The following MYO3B variants were observed in gnomAD, a reference collection of about 807,000 sequenced individuals.
The protein encoded by MYO3B is myosin IIIB.
Under a neutral mutation model 174.6 loss-of-function variants are expected in MYO3B, and 156 were observed. That is an observed-to-expected ratio of 0.89 (90% CI 0.78 to 1.02). MYO3B has a LOEUF of 1.02. Among genes scored for constraint, MYO3B ranks in the 50% least tolerant of loss-of-function variants. The pLI, the probability that MYO3B is intolerant of heterozygous loss-of-function variation, is 0.00. For missense variants in MYO3B, 1,632 were observed against 1,639.4 expected (o/e 1.00, Z 0.08); for synonymous variants, 563 against 569.1 (o/e 0.99, Z 0.15).
chr2:170,261,118 G>T (rs184433854), intron 7 of MYO3B, among the ~76,000 whole-genome samples: 174 of 152,264 alleles, frequency 1.1e-3, no homozygotes, highest in Non-Finnish European at 1.7e-3. Context: ...CCGCCTTCCG[G>T]GTTCAAGCAA....
At chr2:170,565,099 A>G (rs1291655801) in intron 32 of MYO3B, among the ~76,000 whole-genome samples, 1 of 152,214 alleles carries the variant, frequency 6.6e-6, no homozygotes, top group Non-Finnish European at 1.5e-5. Flanking sequence ...CTCCATGCAA[A>G]AATGTTCAAC....
At chr2:170,651,774 G>C in intron 33 of MYO3B, 40 bp downstream of exon 33, 1 of 1,535,260 alleles carries the variant, frequency 6.5e-7, no homozygotes, top group Non-Finnish European at 9.0e-7. Context: ...CACTGGCTTT[G>C]TTTCCAGTTA....
chr2:170,253,889 G>A (rs1410488595), intron 7 of MYO3B, among the ~76,000 whole-genome samples: 2 of 151,266 alleles, frequency 1.3e-5, no homozygotes, highest in African/African-American at 4.9e-5. Flanking sequence ...TTCTGGGGAC[G>A]GGGGGCGGGG....
At chr2:170,562,385 T>C (rs1422744772) in intron 32 of MYO3B, among the ~76,000 whole-genome samples, 1 of 152,210 alleles carries the variant, frequency 6.6e-6, no homozygotes, top group Non-Finnish European at 1.5e-5. Flanking sequence ...TTTTGGAGTT[T>C]TTACATTGTC....
intron 32 of MYO3B, among the ~76,000 whole-genome samples, chr2:170,618,795 T>A (rs1695631824): frequency 6.6e-6 from 1 of 152,064 alleles, no homozygotes; most frequent in Non-Finnish European, 1.5e-5. Context: ...GATGAAGTAA[T>A]TAACATAACA....
chr2:170,220,880 A>G (rs1210258996), intron 6 of MYO3B, among the ~76,000 whole-genome samples: 3 of 152,154 alleles, frequency 2.0e-5, no homozygotes, highest in Non-Finnish European at 4.4e-5. Context: ...TGTGTCCAGT[A>G]TGCTCTGGGA....
chr2:170,513,576 C>G (rs547090190), intron 28 of MYO3B, among the ~76,000 whole-genome samples: 1 of 152,318 alleles, frequency 6.6e-6, no homozygotes, highest in African/African-American at 2.4e-5. Context: ...AACCCTGTTT[C>G]CAACTAAAGT....
intron 25 of MYO3B, among the ~76,000 whole-genome samples, chr2:170,485,418 C>G (rs35068149): frequency 0.043 from 5,667 of 130,284 alleles, 209 homozygotes; most frequent in African/African-American, 0.11. Context: ...CACACACACA[C>G]ACAGAGAGAG....
At chr2:170,223,657 C>CA (rs1415477149) in intron 6 of MYO3B, among the ~76,000 whole-genome samples, 21 of 152,112 alleles carry the variant, frequency 1.4e-4, no homozygotes, top group Non-Finnish European at 5.9e-5. Flanking sequence ...TGGCCTATAG[C>CA]AAAAGGGATA....
chr2:170,401,800 TTC>T lies in MYO3B; in HGVS notation c.2129+111_2129+112del. On this transcript the variant is annotated intron_variant, in intron 18 of 34. Coordinates refer to ENST00000408978, the MANE Select transcript of MYO3B (RefSeq NM_138995.5). ...GTCCTCTCTGGGATTTTCTTTCTTT[TTC>T]TTTTTTTTTTTTTTTGTGGAGTCAG... 1.8e-5 allele frequency: 18 copies of T among 1,016,186 alleles called. No individual in the cohort carries two copies. The African/African-American group carries it at 2.9e-4, about 16-fold the overall frequency. The allele number at this position is 1,016,186 out of a possible 1,614,324, so 62.9% of individuals were successfully genotyped here. A position where few individuals can be genotyped will look rare whatever the true frequency, so the allele number is the denominator to read the frequency against.
intron 30 of MYO3B, among the ~76,000 whole-genome samples, chr2:170,534,403 T>G (rs1471115366): frequency 3.9e-5 from 6 of 152,202 alleles, no homozygotes; most frequent in African/African-American, 1.4e-4. Context: ...GAGATATGTT[T>G]GTTGTTAGTC....
Position 170,369,316 on chromosome 2 carries a change from CA to C in MYO3B, c.915del (p.Lys305AsnfsTer47). ...KGVHGKVLFL[Q>X]KQLAKVLQDQ... Reference sequence around the variant, plus strand: ...AGTACATGGAAAAGTTCTGTTTCTGCAAAAACAGCTGGCCAAGGTTCTCCAA... The same window carrying C: ...AGTACATGGAAAAGTTCTGTTTCTGCAAAACAGCTGGCCAAGGTTCTCCAA... On this transcript the variant is annotated frameshift_variant, in exon 9 of 35. Transcript: ENST00000408978. LOFTEE classifies it high-confidence loss of function. The C allele has an allele frequency of 6.2e-7, 1 of 1,613,662 alleles. No individual in the cohort carries two copies. The highest frequency in any genetic ancestry group is 8.5e-7 in the Non-Finnish European group (1 of 1,179,706).
At chr2:170,444,146 C>T (rs1170123134) in intron 23 of MYO3B, 100 bp downstream of exon 23, 3 of 1,001,248 alleles carry the variant, frequency 3.0e-6, no homozygotes, top group Non-Finnish European at 4.6e-6. Flanking sequence ...TCTAGCAGCC[C>T]TCTGCCTGGG....
chr2:170,215,575 A>AT (rs1205168696), intron 5 of MYO3B, among the ~76,000 whole-genome samples: 2 of 152,004 alleles, frequency 1.3e-5, no homozygotes, highest in African/African-American at 4.8e-5. Flanking sequence ...TTTTAAAAGA[A>AT]TATTTATTGT....
intron 7 of MYO3B, among the ~76,000 whole-genome samples, chr2:170,271,959 T>TA (rs2093428119): frequency 6.6e-6 from 1 of 152,112 alleles, no homozygotes; most frequent in Non-Finnish European, 1.5e-5. Context: ...TGAAAATAGC[T>TA]CTTTGTATCT....
At chr2:170,256,571 C>T (rs2093306393) in intron 7 of MYO3B, among the ~76,000 whole-genome samples, 2 of 152,018 alleles carry the variant, frequency 1.3e-5, no homozygotes, top group Non-Finnish European at 2.9e-5. Flanking sequence ...AAATTTTTTT[C>T]CAGGTAGGTA....
intron 32 of MYO3B, among the ~76,000 whole-genome samples, chr2:170,599,675 G>C (rs1353215375): frequency 1.3e-5 from 2 of 152,140 alleles, no homozygotes; most frequent in East Asian, 3.9e-4. Flanking sequence ...TTGAACCTGG[G>C]AGGTGGAGGT....
intron 25 of MYO3B, among the ~76,000 whole-genome samples, chr2:170,493,195 C>G (rs1686603415): frequency 1.3e-5 from 2 of 152,094 alleles, no homozygotes; most frequent in South Asian, 4.1e-4. Flanking sequence ...TCTAAACAAG[C>G]AAAAGCTAAA....
chr2:170,635,426 C>G (rs1215244288), intron 32 of MYO3B, among the ~76,000 whole-genome samples: 2 of 151,548 alleles, frequency 1.3e-5, no homozygotes, highest in Middle Eastern at 3.2e-3. Flanking sequence ...TACACTCGGA[C>G]ACAGTAAGAG....
Sources: allele counts gnomAD v4.1 joint callset (sites outside exome capture counted in the v4.1 genomes callset), GRCh38; gene constraint gnomAD v4.1.1; transcripts MANE v1.5; gene names NCBI Gene and HGNC (gene_info 2026-07-23, HGNC 2026-07-21).